Variants in ABL2 observed in about 807,000 individuals in gnomAD.
The protein encoded by ABL2 is tyrosine-protein kinase ABL2.
In ABL2, 49 loss-of-function variants were observed where a neutral mutation model predicts 107.7. That is an observed-to-expected ratio of 0.45 (90% confidence interval 0.36 to 0.58). The LOEUF (loss-of-function observed/expected upper bound fraction) is 0.58. Ranked by LOEUF, ABL2 falls within the 20% of genes least tolerant of loss-of-function variation. ABL2 has a pLI of 0.00. For missense variants in ABL2, 1,245 were observed against 1,457.0 expected (o/e 0.85, Z 2.37); for synonymous variants, 549 against 548.6 (o/e 1.00, Z -0.01).
chr1:179,154,213 T>C (rs1220952404), intron 1 of ABL2, among the ~76,000 whole-genome samples: 3 of 152,192 alleles, frequency 2.0e-5, no homozygotes, highest in Non-Finnish European at 4.4e-5. Context: ...TCCCCACAAG[T>C]TCCCCAAGTC....
rs929352517 is a variant in ABL2, at chr1:179,134,858, T to A, written c.158-1484A>T. ...GATTCTCCTGCCTCAGCTTGCTGAG[T>A]GCCTGCGAGTGCAGGCGCGCACCGC... On this transcript the variant is annotated intron_variant, in intron 1 of 11. Coordinates refer to ENST00000502732, the MANE Select transcript of ABL2 (RefSeq NM_007314.4). Among the ~76,000 whole-genome samples, 6 of 152,228 alleles carry A rather than the reference T, an allele frequency of 3.9e-5. No homozygotes were observed. The East Asian group carries it at 1.2e-3, about 29-fold the overall frequency.
At chr1:179,146,056 G>A (rs935768353) in intron 1 of ABL2, among the ~76,000 whole-genome samples, 6 of 152,130 alleles carry the variant, frequency 3.9e-5, no homozygotes, top group African/African-American at 1.2e-4. Flanking sequence ...CACCATGCCT[G>A]GCTAATTTTT....
chr1:179,108,623 C>G lies in ABL2; in HGVS notation c.2644G>C (p.Ala882Pro). 6.2e-7 allele frequency: 1 copy of G among 1,614,180 alleles called. No homozygotes were observed. The highest frequency in any genetic ancestry group is 8.5e-7 in the Non-Finnish European group (1 of 1,180,028). Residue 882 changes from alanine (A) to proline (P), a missense_variant, in exon 12 of 12, where the codon GCT becomes CCT. Physicochemically the swap from Ala to Pro is conservative, Grantham distance 27. This residue lies in a region of ABL2 where 761 missense variants were observed against 766.4 expected (regional missense o/e 0.99). Transcript: ENST00000502732. ...CCCTTGGGGGCAGCTGCCACTCCAG[C>G]CACTCCCACCCCTGGAGGGTCCTTC... ...TEKDPPGVGV[A>P]GVAAAPKGKE... is the part of the protein sequence containing the mutation.
At chr1:179,211,502 G>T (rs1662274236) in intron 1 of ABL2, among the ~76,000 whole-genome samples, 1 of 151,984 alleles carries the variant, frequency 6.6e-6, no homozygotes, top group Non-Finnish European at 1.5e-5. Context: ...GAGCAACACA[G>T]TGAGATCCCG....
At chr1:179,164,108 C>T (rs756252134) in intron 1 of ABL2, among the ~76,000 whole-genome samples, 35 of 152,086 alleles carry the variant, frequency 2.3e-4, no homozygotes, top group Non-Finnish European at 3.4e-4. Flanking sequence ...GAAACTGTTC[C>T]GCTGTTTGTG....
At chr1:179,177,154 G>C (rs1660097043) in intron 1 of ABL2, among the ~76,000 whole-genome samples, 1 of 152,196 alleles carries the variant, frequency 6.6e-6, no homozygotes, top group Non-Finnish European at 1.5e-5. Flanking sequence ...AGATGAGCAA[G>C]TGAGGAGCAG....
chr1:179,150,189 T>C (rs1658279232), intron 1 of ABL2, among the ~76,000 whole-genome samples: 1 of 152,160 alleles, frequency 6.6e-6, no homozygotes, highest in South Asian at 2.1e-4. Context: ...TGAGCCATGG[T>C]ACACTGTACT....
At chr1:179,114,190 G>A (rs1294040811) in intron 9 of ABL2, among the ~76,000 whole-genome samples, 2 of 152,118 alleles carry the variant, frequency 1.3e-5, no homozygotes, top group Non-Finnish European at 2.9e-5. Context: ...GGGGGACGGA[G>A]GTTGCAAAGA....
rs190167293 is a variant in ABL2 at position 179,168,103 on chromosome 1, T to C, written c.158-34729A>G. Among the ~76,000 whole-genome samples, 338 of 152,348 alleles carry C rather than the reference T, an allele frequency of 2.2e-3. 3 individuals carry two copies. Among genetic ancestry groups the C allele is most frequent in the African/African-American group, 7.7e-3 (319 of 41,588 alleles). ...TTCATGTATATTTTTAAATAGATAA[T>C]GGTAAGTAACAAATTCCTGCAATAT... On this transcript the variant is annotated intron_variant, in intron 1 of 11. Transcript: ENST00000502732.
Position 179,151,567 on chromosome 1 carries a change from C to CA in ABL2, c.158-18194dup, listed in dbSNP as rs912166442. Among the ~76,000 whole-genome samples the CA allele has an allele frequency of 3.3e-5, 5 of 151,834 alleles. No homozygotes were observed. The South Asian group carries it at 8.3e-4, about 25-fold the overall frequency. ...AGCAGAGTGCTTTGCTAATAATTGACAAAAAAAGGATTAACTCATTTTAAA... is the reference window on the plus strand; with the variant it reads ...AGCAGAGTGCTTTGCTAATAATTGACAAAAAAAAGGATTAACTCATTTTAAA... On this transcript the variant is annotated intron_variant, in intron 1 of 11. Transcript: ENST00000502732.
intron 1 of ABL2, among the ~76,000 whole-genome samples, chr1:179,142,623 G>A (rs148597281): frequency 6.6e-6 from 1 of 152,174 alleles, no homozygotes; most frequent in East Asian, 1.9e-4. Context: ...AAGCTAATAA[G>A]TTTTAATAAC....
chr1:179,184,004 TAGAC>T (rs771901980), intron 1 of ABL2: 8 of 264,072 alleles, frequency 3.0e-5, no homozygotes, highest in Admixed American at 1.6e-4. Flanking sequence ...CAAAATGAAA[TAGAC>T]AGGCTTAATG....
chr1:179,229,506 C>T lies in ABL2; in HGVS notation c.-109G>A. On this transcript the variant is annotated 5_prime_UTR_variant, in exon 1 of 12. Transcript: ENST00000502732. Reference sequence around the variant, plus strand: ...CCGGTCTCTCCCTCCCAGCCCAGGCCCTGGCCCTGAGTGGCTGGGCCACCG... The same window carrying T: ...CCGGTCTCTCCCTCCCAGCCCAGGCTCTGGCCCTGAGTGGCTGGGCCACCG... The T allele has an allele frequency of 8.0e-7, 1 of 1,255,394 alleles. No homozygotes were observed. The highest frequency in any genetic ancestry group is 1.0e-6 in the Non-Finnish European group (1 of 969,764). 77.8% of individuals were successfully genotyped at this position (1,255,394 alleles called of 1,614,324 possible). A position where few individuals can be genotyped will look rare whatever the true frequency, so the allele number is the denominator to read the frequency against.
intron 1 of ABL2, among the ~76,000 whole-genome samples, chr1:179,201,326 G>T (rs1223834005): frequency 6.6e-6 from 1 of 152,152 alleles, no homozygotes; most frequent in African/African-American, 2.4e-5. Flanking sequence ...TTACCTTATT[G>T]AAATTTGTAT....
chr1:179,227,824 G>A (rs575715524), intron 1 of ABL2, among the ~76,000 whole-genome samples: 9 of 151,736 alleles, frequency 5.9e-5, no homozygotes, highest in Non-Finnish European at 8.8e-5. Context: ...AGGCTGTGGC[G>A]GGTGGATCAT....
At chr1:179,142,788 T>A in intron 1 of ABL2, 1 of 845,416 alleles carries the variant, frequency 1.2e-6, no homozygotes, top group Non-Finnish European at 1.8e-6. Flanking sequence ...CTATGAGATA[T>A]TCCCCCAAGA....
At chr1:179,133,284 A>C (rs768599872) in intron 2 of ABL2, 28 bp downstream of exon 2, 19 of 1,613,910 alleles carry the variant, frequency 1.2e-5, no homozygotes, top group Non-Finnish European at 1.4e-5. Flanking sequence ...GCCTTAGTTC[A>C]AATCTGCAAC....
intron 9 of ABL2, among the ~76,000 whole-genome samples, 197 bp downstream of exon 9, chr1:179,114,681 A>C (rs1381755159): frequency 6.6e-6 from 1 of 152,220 alleles, no homozygotes; most frequent in Admixed American, 6.5e-5. Flanking sequence ...TATTTGGGCC[A>C]TAACAACTAT....
At chr1:179,182,589 A>G (rs1011454385) in intron 1 of ABL2, among the ~76,000 whole-genome samples, 6 of 152,208 alleles carry the variant, frequency 3.9e-5, no homozygotes, top group African/African-American at 1.4e-4. Context: ...CGTTGCCACA[A>G]AAAGACATGA....
Sources: gnomAD v4.1 joint callset for allele counts (sites outside exome capture counted in the v4.1 genomes callset) on GRCh38, gnomAD v4.1.1 for gene constraint, gnomAD v4.1.1 regional missense constraint, MANE v1.5 for transcripts, NCBI Gene and HGNC (gene_info 2026-07-23, HGNC 2026-07-21) for gene names.